PALS1: variants seen among roughly 807,000 people sequenced by gnomAD.
PALS1 encodes the protein protein associated with LIN7 1, MAGUK p55 family member.
PALS1 carries 31 observed loss-of-function variants against 78.9 expected under a neutral mutation model. That is an observed-to-expected ratio of 0.39 (90% CI 0.30 to 0.53). The LOEUF (loss-of-function observed/expected upper bound fraction) is 0.53. Among genes scored for constraint, PALS1 ranks in the 20% least tolerant of loss-of-function variants. PALS1 has a pLI of 0.67. For missense variants in PALS1, 704 were observed against 826.5 expected, an observed-to-expected ratio of 0.85 and a Z score of 1.82; for synonymous variants, 276 against 270.9, an observed-to-expected ratio of 1.02 and a Z score of -0.18.
chr14:67,296,320 G>A (rs1380861396), intron 4 of PALS1, among the ~76,000 whole-genome samples: 1 of 152,046 alleles, frequency 6.6e-6, no homozygotes, highest in African/African-American at 2.4e-5. Context: ...GTGTCCAGAC[G>A]CCGGATGCAG....
rs1043721313 is a variant in PALS1 at position 67,334,528 on chromosome 14, ATTTT to A, written c.*1577_*1580del. Reference sequence around the variant, plus strand: ...TTTGTGTCATGTACATATTTGATTGATTTTTTTTCTTCTACATAATTTTATTTGA... The same window carrying A: ...TTTGTGTCATGTACATATTTGATTGATTTTCTTCTACATAATTTTATTTGA... On this transcript the variant is annotated 3_prime_UTR_variant, in exon 15 of 15. Coordinates refer to ENST00000261681, the MANE Select transcript of PALS1 (RefSeq NM_022474.4). 6.6e-6 allele frequency: 1 copy of A among 152,384 alleles called. No individual in the cohort carries two copies. The highest frequency in any genetic ancestry group is 1.5e-5 in the Non-Finnish European group (1 of 67,972). The allele number at this position is 152,384 out of a possible 1,614,324, so 9.4% of individuals were successfully genotyped here.
chr14:67,253,047 G>A lies in PALS1; in HGVS notation c.-237+11514G>A, dbSNP rs185613010. ...ACATACTGACAGGCTTTACAGTGCA[G>A]TTACAGTACTATCACTGACTTACAG... On this transcript the variant is annotated intron_variant, in intron 1 of 14. Transcript: ENST00000261681. Among the ~76,000 whole-genome samples the A allele has an allele frequency of 2.3e-3, 345 of 152,330 alleles. 2 individuals carry two copies. Among genetic ancestry groups the A allele is most frequent in the African/African-American group, 7.7e-3 (322 of 41,568 alleles).
chr14:67,254,176 GTCTT>G (rs906607247), intron 1 of PALS1: 15 of 134,324 alleles, frequency 1.1e-4, no homozygotes, highest in South Asian at 7.5e-4. Flanking sequence ...GATTTTAAGT[GTCTT>G]TCTTTTTTTT....
chr14:67,322,949 G>T (rs754730296), intron 13 of PALS1, among the ~76,000 whole-genome samples: 3 of 152,068 alleles, frequency 2.0e-5, no homozygotes, highest in Non-Finnish European at 4.4e-5. Flanking sequence ...TTCTTGAATT[G>T]TCTTGCACAT....
chr14:67,258,406 G>C (rs1483816849), intron 1 of PALS1, among the ~76,000 whole-genome samples: 1 of 152,090 alleles, frequency 6.6e-6, no homozygotes, highest in Non-Finnish European at 1.5e-5. Flanking sequence ...TGTAGTGGTG[G>C]GTGCCTGTAG....
At chr14:67,254,938 CAA>C (rs2084122448) in intron 1 of PALS1, among the ~76,000 whole-genome samples, 1 of 152,178 alleles carries the variant, frequency 6.6e-6, no homozygotes, top group South Asian at 2.1e-4. Context: ...ATCACGAGGT[CAA>C]GAGATTGAGA....
intron 9 of PALS1, among the ~76,000 whole-genome samples, chr14:67,316,174 G>A (rs1024877216): frequency 3.3e-5 from 5 of 152,142 alleles, no homozygotes; most frequent in Admixed American, 1.3e-4. Flanking sequence ...TATAGGAAAA[G>A]ACATATTTGA....
intron 1 of PALS1, among the ~76,000 whole-genome samples, chr14:67,257,972 T>G (rs1447927404): frequency 1.3e-5 from 2 of 152,160 alleles, no homozygotes; most frequent in African/African-American, 4.8e-5. Context: ...TTTGCATCAT[T>G]TAACTACTTC....
At chr14:67,295,392 A>G (rs1054973316) in intron 4 of PALS1, among the ~76,000 whole-genome samples, 1 of 151,794 alleles carries the variant, frequency 6.6e-6, no homozygotes, top group Non-Finnish European at 1.5e-5. Flanking sequence ...TGGGAGGCTG[A>G]GGCAGGAGAA....
chr14:67,314,939 C>T (rs995147650), intron 9 of PALS1, among the ~76,000 whole-genome samples: 1 of 151,344 alleles, frequency 6.6e-6, no homozygotes, highest in African/African-American at 2.5e-5. Flanking sequence ...GAGACTTTGT[C>T]TCTACAAAAA....
At chr14:67,276,979 A>G (rs1276895091) in intron 2 of PALS1, among the ~76,000 whole-genome samples, 1 of 152,218 alleles carries the variant, frequency 6.6e-6, no homozygotes, top group Non-Finnish European at 1.5e-5. Flanking sequence ...GATTTTTAAT[A>G]TCCAGTAATT....
rs969549010 is a variant in PALS1 at position 67,312,709 on chromosome 14, A to G, written c.1224A>G (p.Pro408=). Residue 408 remains proline (P), a splice_region_variant and synonymous_variant, in exon 9 of 15, where the codon CCA becomes CCG. Coordinates refer to ENST00000261681, the MANE Select transcript of PALS1 (RefSeq NM_022474.4). ...EDNQPLAGLV[P]GKSFQQQREA... ...ATCAACCTCTAGCCGGGCTTGTTCC[A>G]GGTAAGACACAATATGGTAGAAAGT... The G allele has an allele frequency of 4.9e-5, 78 of 1,595,356 alleles. 1 individual carries two copies. The highest frequency in any genetic ancestry group is 8.1e-5 in the African/African-American group (6 of 74,454).
chr14:67,264,214 T>A (rs758763236), intron 1 of PALS1, among the ~76,000 whole-genome samples: 1 of 152,242 alleles, frequency 6.6e-6, no homozygotes, highest in Non-Finnish European at 1.5e-5. Context: ...TTAAAACCTG[T>A]CTCCTCGTTT....
At position 67,334,695 on chromosome 14, in the gene PALS1, G is replaced by A. The variant is rs1451740531; in HGVS notation, c.*1739G>A. 6.6e-6 allele frequency: 1 copy of A among 152,260 alleles called. No homozygotes were observed. Among genetic ancestry groups the A allele is most frequent in the Non-Finnish European group, 1.5e-5 (1 of 68,040 alleles). The allele number at this position is 152,260 out of a possible 1,614,324, so 9.4% of individuals were successfully genotyped here. ...AGAAAATAACATTCTTGGGTTGAGG[G>A]AAGGAATGCCATACACTACTGTCTC... On this transcript the variant is annotated 3_prime_UTR_variant, in exon 15 of 15. Coordinates refer to ENST00000261681, the MANE Select transcript of PALS1 (RefSeq NM_022474.4).
intron 1 of PALS1, among the ~76,000 whole-genome samples, chr14:67,252,837 A>C (rs1393181843): frequency 6.6e-6 from 1 of 152,222 alleles, no homozygotes; most frequent in Admixed American, 6.5e-5. Context: ...GTTCTGTTCT[A>C]GTCATCTCCC....
intron 1 of PALS1, among the ~76,000 whole-genome samples, chr14:67,242,212 A>AAGG (rs1432932671): frequency 2.0e-5 from 3 of 152,180 alleles, no homozygotes; most frequent in Non-Finnish European, 4.4e-5. Flanking sequence ...CCTTCTGTTG[A>AAGG]TTGACATACA....
At chr14:67,328,906 T>C (rs1289139449) in intron 14 of PALS1, among the ~76,000 whole-genome samples, 2 of 152,194 alleles carry the variant, frequency 1.3e-5, no homozygotes, top group Admixed American at 6.5e-5. Context: ...TGAAGTTGGA[T>C]AGGGTGATGC....
chr14:67,334,254 T>C lies in PALS1; in HGVS notation c.*1298T>C, dbSNP rs1048296671. On this transcript the variant is annotated 3_prime_UTR_variant, in exon 15 of 15. Transcript: ENST00000261681. The stretch of plus-strand genomic sequence containing the variant: ...ATCATAAAAGAAACATTTAAGCTAA[T>C]AGGATTTTCGTACTGTCTCTATAGC... 6.6e-6 allele frequency: 1 copy of C among 152,644 alleles called. No homozygotes were observed. The highest frequency in any genetic ancestry group is 1.5e-5 in the Non-Finnish European group (1 of 68,024). The allele number at this position is 152,644 out of a possible 1,614,324, so 9.5% of individuals were successfully genotyped here.
chr14:67,310,805 A>G (rs115287778), intron 8 of PALS1, among the ~76,000 whole-genome samples: 310 of 152,322 alleles, frequency 2.0e-3, no homozygotes, highest in African/African-American at 7.0e-3. Flanking sequence ...TGACAAGCCA[A>G]AAATTTTTTA....
Sources: gnomAD v4.1 joint callset for allele counts (sites outside exome capture counted in the v4.1 genomes callset) on GRCh38, gnomAD v4.1.1 for gene constraint, MANE v1.5 for transcripts, NCBI Gene and HGNC (gene_info 2026-07-23, HGNC 2026-07-21) for gene names.